The following NPFFR2 variants were observed in gnomAD, a reference collection of about 807,000 sequenced individuals.
NPFFR2 encodes the protein G-protein coupled receptor 74.
In NPFFR2, 15 loss-of-function variants were observed where a neutral mutation model predicts 13.1. The ratio of observed to expected loss-of-function variants is 1.15; its 90% CI spans 0.77 to 1.76. The LOEUF (loss-of-function observed/expected upper bound fraction) is 1.76, where lower values mean the gene tolerates loss of function less well. Among genes scored for constraint, NPFFR2 ranks in the 40% most tolerant of loss-of-function variants. The pLI is 0.00. For missense variants in NPFFR2, 572 were observed against 503.5 expected (o/e 1.14, Z -1.30); for synonymous variants, 190 against 175.7 (o/e 1.08, Z -0.65).
intron 1 of NPFFR2, among the ~76,000 whole-genome samples, chr4:72,100,862 G>T (rs770895932): frequency 1.6e-4 from 24 of 152,022 alleles, no homozygotes; most frequent in Non-Finnish European, 2.8e-4. Context: ...CGAATAAATG[G>T]CAAGAAAAGG....
At chr4:72,138,951 T>C (rs563699736) in intron 3 of NPFFR2, among the ~76,000 whole-genome samples, 1 of 152,168 alleles carries the variant, frequency 6.6e-6, no homozygotes, top group Non-Finnish European at 1.5e-5. Context: ...AATGATGACC[T>C]TTCTAACTGG....
At chr4:72,086,703 A>G (rs1720781580) in intron 1 of NPFFR2, among the ~76,000 whole-genome samples, 1 of 152,146 alleles carries the variant, frequency 6.6e-6, no homozygotes, top group African/African-American at 2.4e-5. Context: ...TTAAAATCTC[A>G]TTAACCATAT....
chr4:72,038,509 A>G (rs892236569), intron 1 of NPFFR2, among the ~76,000 whole-genome samples: 8 of 139,096 alleles, frequency 5.8e-5, no homozygotes, highest in African/African-American at 2.1e-4. Context: ...CGAAACTTCA[A>G]CCTTATCATT....
In NPFFR2 at chr4:72,032,796, C is replaced by T. The variant is rs533390345; in HGVS notation, c.-8+596C>T. Reference sequence around the variant, plus strand: ...ACCATCAGGCATTTTCCAACAGTGCCGCCCTAGGTCAAATTTAGGGTCTGG... The same window carrying T: ...ACCATCAGGCATTTTCCAACAGTGCTGCCCTAGGTCAAATTTAGGGTCTGG... On this transcript the variant is annotated intron_variant, in intron 1 of 3. Coordinates refer to ENST00000308744, the MANE Select transcript of NPFFR2 (RefSeq NM_004885.3). Among the ~76,000 whole-genome samples, 14 of 152,168 alleles carry T rather than the reference C, an allele frequency of 9.2e-5. 1 individual carries two copies. The South Asian group carries it at 2.9e-3, about 32-fold the overall frequency.
At chr4:72,071,321 C>T (rs528830874) in intron 1 of NPFFR2, among the ~76,000 whole-genome samples, 5 of 152,156 alleles carry the variant, frequency 3.3e-5, no homozygotes, top group South Asian at 4.1e-4. Context: ...GTCAGAGGTA[C>T]AGGCAAGATT....
intron 1 of NPFFR2, among the ~76,000 whole-genome samples, chr4:72,085,917 A>G (rs950517701): frequency 1.1e-4 from 17 of 152,266 alleles, no homozygotes; most frequent in South Asian, 2.1e-4. Context: ...AGAAGAAACA[A>G]TGGAGGGAAA....
chr4:72,119,209 G>T (rs1721797858), intron 1 of NPFFR2, among the ~76,000 whole-genome samples: 1 of 152,116 alleles, frequency 6.6e-6, no homozygotes, highest in South Asian at 2.1e-4. Context: ...ATTTCCAATA[G>T]ATAATGGAGC....
intron 1 of NPFFR2, among the ~76,000 whole-genome samples, chr4:72,060,239 G>A (rs181937653): frequency 6.6e-5 from 10 of 152,142 alleles, no homozygotes; most frequent in South Asian, 4.2e-4. Flanking sequence ...TGTGTCAGAC[G>A]TTCTTACTAC....
intron 2 of NPFFR2, among the ~76,000 whole-genome samples, chr4:72,136,051 GTGCTATCATATACT>G (rs1337309206): frequency 6.6e-6 from 1 of 152,024 alleles, no homozygotes; most frequent in East Asian, 1.9e-4. Flanking sequence ...TCACTCTGTT[GTGCTATCATATACT>G]AGCTCTAAGG....
chr4:72,114,529 C>T lies in NPFFR2; in HGVS notation c.-7-14056C>T, dbSNP rs142309640. 2.9e-3 allele frequency among the ~76,000 whole-genome samples: 448 copies of T among 152,136 alleles called. 1 individual carries two copies. The highest frequency in any genetic ancestry group is 0.01 in the African/African-American group (427 of 41,508). On this transcript the variant is annotated intron_variant, in intron 1 of 3. Transcript: ENST00000308744. ...TTTCAAAAGTTTTCTTAGGATTTGG[C>T]AAATGTAAATAATGCATAGATCCTG... is the stretch of plus-strand genomic sequence containing the variant.
chr4:72,034,788 G>A (rs965457004), intron 1 of NPFFR2, among the ~76,000 whole-genome samples: 2 of 152,140 alleles, frequency 1.3e-5, no homozygotes, highest in African/African-American at 4.8e-5. Flanking sequence ...TAAGGGTCCA[G>A]GGAGACCTTC....
intron 1 of NPFFR2, among the ~76,000 whole-genome samples, chr4:72,059,856 C>T (rs958098996): frequency 2.6e-5 from 4 of 152,084 alleles, no homozygotes; most frequent in African/African-American, 9.7e-5. Flanking sequence ...TAAGTCTCCG[C>T]TATAACTTGT....
intron 1 of NPFFR2, among the ~76,000 whole-genome samples, chr4:72,124,841 C>T (rs1268207688): frequency 6.6e-6 from 1 of 152,108 alleles, no homozygotes; most frequent in Admixed American, 6.5e-5. Flanking sequence ...CTAGGCAATA[C>T]CATTCAGGAC....
chr4:72,109,190 C>T (rs758365781), intron 1 of NPFFR2, among the ~76,000 whole-genome samples: 12 of 151,962 alleles, frequency 7.9e-5, no homozygotes, highest in African/African-American at 1.7e-4. Context: ...TCAATATTGG[C>T]CATTAGTCAG....
At chr4:72,080,906 G>C (rs78202826) in intron 1 of NPFFR2, among the ~76,000 whole-genome samples, 1 of 146,768 alleles carries the variant, frequency 6.8e-6, no homozygotes, top group East Asian at 2.0e-4. Flanking sequence ...GACCAACAGC[G>C]GTTCCAAGCC....
chr4:72,081,493 T>TTG (rs1386108889), intron 1 of NPFFR2, among the ~76,000 whole-genome samples: 2 of 148,432 alleles, frequency 1.3e-5, no homozygotes, highest in Non-Finnish European at 3.0e-5. Context: ...TAAGAATTGT[T>TTG]TTTTTTTTTT....
chr4:72,055,250 C>T (rs1719708779), intron 1 of NPFFR2, among the ~76,000 whole-genome samples: 2 of 151,874 alleles, frequency 1.3e-5, no homozygotes, highest in South Asian at 4.1e-4. Flanking sequence ...CCATGTTCCC[C>T]AAGCGCATAG....
chr4:72,104,670 T>G (rs1324485301), intron 1 of NPFFR2, among the ~76,000 whole-genome samples: 1 of 152,148 alleles, frequency 6.6e-6, no homozygotes, highest in African/African-American at 2.4e-5. Flanking sequence ...GGTACTTTCC[T>G]TATGCTTCTC....
At chr4:72,130,220 T>C (rs1230749074) in intron 2 of NPFFR2, among the ~76,000 whole-genome samples, 1 of 152,198 alleles carries the variant, frequency 6.6e-6, no homozygotes, top group African/African-American at 2.4e-5. Context: ...CCTTTGTATT[T>C]TCTTAATAAA....
Sources: allele counts gnomAD v4.1 joint callset (sites outside exome capture counted in the v4.1 genomes callset), GRCh38; gene constraint gnomAD v4.1.1; transcripts MANE v1.5; gene names NCBI Gene and HGNC (gene_info 2026-07-23, HGNC 2026-07-21).